The following AKAP6 variants were observed in gnomAD, a reference collection of about 807,000 sequenced individuals.
AKAP6 encodes the protein A-kinase anchor protein 6.
A neutral mutation model predicts 188.5 loss-of-function variants in AKAP6; 58 were observed. The ratio of observed to expected loss-of-function variants is 0.31; its 90% CI spans 0.25 to 0.38. The LOEUF is 0.38. Among genes scored for constraint, AKAP6 ranks in the 10% least tolerant of loss-of-function variants. The pLI, the probability that AKAP6 is intolerant of heterozygous loss-of-function variation, is 1.00. For synonymous variants in AKAP6, 989 were observed against 998.6 expected (o/e 0.99, Z 0.18); for missense variants, 2,710 against 2,740.0 (o/e 0.99, Z 0.24).
intron 7 of AKAP6, among the ~76,000 whole-genome samples, chr14:32,606,786 A>G (rs1342227737): frequency 6.6e-6 from 1 of 152,164 alleles, no homozygotes; most frequent in African/African-American, 2.4e-5. Flanking sequence ...TGGATATCAG[A>G]CTATGAAGGT....
chr14:32,743,300 T>G (rs2031758043), intron 11 of AKAP6, among the ~76,000 whole-genome samples: 1 of 152,082 alleles, frequency 6.6e-6, no homozygotes, highest in Admixed American at 6.6e-5. Context: ...GATCAATGGG[T>G]TTTATTTTTT....
chr14:32,834,142 C>T lies in AKAP6; in HGVS notation c.*4337C>T, dbSNP rs946504055. On this transcript the variant is annotated 3_prime_UTR_variant, in exon 14 of 14. Transcript: ENST00000280979. ...TCATGGTGGCTCACGCCTGTAATCC[C>T]AGCACTTTGGGAGGCCAAGGCGTGT... The T allele has an allele frequency of 2.0e-5, 3 of 152,240 alleles. No individual in the cohort carries two copies. The highest frequency in any genetic ancestry group is 7.2e-5 in the African/African-American group (3 of 41,430). 9.4% of individuals were successfully genotyped at this position (152,240 alleles called of 1,614,324 possible). A position where few individuals can be genotyped will look rare whatever the true frequency, so the allele number is the denominator to read the frequency against.
intron 12 of AKAP6, among the ~76,000 whole-genome samples, chr14:32,796,678 C>G (rs4982008): frequency 6.6e-6 from 1 of 152,104 alleles, no homozygotes; most frequent in South Asian, 2.1e-4. Flanking sequence ...ACTATAAAAA[C>G]GCTAGGAGAA....
At chr14:32,429,415 G>A (rs778632777) in intron 1 of AKAP6, among the ~76,000 whole-genome samples, 1 of 152,066 alleles carries the variant, frequency 6.6e-6, no homozygotes, top group Non-Finnish European at 1.5e-5. Flanking sequence ...GTTACTATAC[G>A]TTTCTACAAT....
At chr14:32,492,355 T>TATATATATAGAGAGAGAGAGAGAGAG in intron 2 of AKAP6, among the ~76,000 whole-genome samples, 14 of 82,608 alleles carry the variant, frequency 1.7e-4, no homozygotes, top group Admixed American at 3.7e-4. Context: ...TATATATATA[T>TATATATATAGAGAGAGAGAGAGAGAG]AGAGAGAGAG....
In AKAP6 at chr14:32,769,037, ATTTTTTT is replaced by A. The variant is rs544997334; in HGVS notation, c.3373-4620_3373-4614del. ...ACTAGGGGATGCAGCTGCTCTTTTGATTTTTTTTTTTTTTTTTTTTTTTTTTTGAGAC... is the reference window on the plus strand; with the variant it reads ...ACTAGGGGATGCAGCTGCTCTTTTGATTTTTTTTTTTTTTTTTTTTGAGAC... On this transcript the variant is annotated intron_variant, in intron 11 of 13. Coordinates refer to ENST00000280979, the MANE Select transcript of AKAP6 (RefSeq NM_004274.5). 1.4e-3 allele frequency among the ~76,000 whole-genome samples: 78 copies of A among 56,924 alleles called. 3 individuals carry two copies. The highest frequency in any genetic ancestry group is 6.9e-3 in the South Asian group (7 of 1,020). The allele number at this position is 56,924 out of a possible 152,430, so 37.3% of individuals were successfully genotyped here. A position where few individuals can be genotyped will look rare whatever the true frequency, so the allele number is the denominator to read the frequency against.
At chr14:32,573,560 G>A (rs148332259) in intron 4 of AKAP6, among the ~76,000 whole-genome samples, 34 of 152,136 alleles carry the variant, frequency 2.2e-4, no homozygotes, top group African/African-American at 8.2e-4. Context: ...CATGCTATAT[G>A]TTCTGCTGAA....
chr14:32,404,883 A>G (rs1286512832), intron 1 of AKAP6, among the ~76,000 whole-genome samples: 1 of 150,436 alleles, frequency 6.6e-6, no homozygotes, highest in Non-Finnish European at 1.5e-5. Context: ...CCTGGGTCTG[A>G]ACTGGCAAGA....
At chr14:32,614,519 A>T (rs1211018946) in intron 7 of AKAP6, among the ~76,000 whole-genome samples, 1 of 152,200 alleles carries the variant, frequency 6.6e-6, no homozygotes, top group African/African-American at 2.4e-5. Context: ...GGAAGTACAG[A>T]TATACTTCTC....
At chr14:32,806,690 A>G (rs1348211044) in intron 12 of AKAP6, among the ~76,000 whole-genome samples, 1 of 151,996 alleles carries the variant, frequency 6.6e-6, no homozygotes, top group Non-Finnish European at 1.5e-5. Flanking sequence ...ACACACACAA[A>G]AAAACTCAGT....
intron 4 of AKAP6, among the ~76,000 whole-genome samples, chr14:32,570,815 A>C (rs1884443722): frequency 2.0e-5 from 3 of 152,120 alleles, no homozygotes; most frequent in Admixed American, 6.6e-5. Flanking sequence ...CCCCTCTTTT[A>C]ATATACCCTT....
chr14:32,419,115 A>T (rs1030918486), intron 1 of AKAP6, among the ~76,000 whole-genome samples: 1 of 152,192 alleles, frequency 6.6e-6, no homozygotes, highest in Non-Finnish European at 1.5e-5. Context: ...ACCATTAGAA[A>T]ATATTTGAAA....
chr14:32,578,927 G>T (rs1884848071), intron 5 of AKAP6, among the ~76,000 whole-genome samples: 2 of 152,002 alleles, frequency 1.3e-5, no homozygotes, highest in Admixed American at 1.3e-4. Context: ...CCTTATGTTA[G>T]CCTCTACTTC....
chr14:32,668,170 G>A (rs560761637), intron 7 of AKAP6, among the ~76,000 whole-genome samples: 9 of 152,016 alleles, frequency 5.9e-5, no homozygotes, highest in African/African-American at 1.7e-4. Flanking sequence ...TCTAATCATC[G>A]TCTTCAGTCC....
intron 1 of AKAP6, among the ~76,000 whole-genome samples, chr14:32,393,165 CA>C (rs1199249678): frequency 2.0e-5 from 3 of 152,066 alleles, no homozygotes; most frequent in Non-Finnish European, 2.9e-5. Context: ...GCCTGGCAGA[CA>C]CCCCATAACC....
intron 12 of AKAP6, among the ~76,000 whole-genome samples, chr14:32,781,402 A>G (rs947929990): frequency 2.0e-5 from 3 of 151,944 alleles, no homozygotes; most frequent in Non-Finnish European, 4.4e-5. Context: ...TCTTTTGTCT[A>G]CTAAATACAT....
intron 12 of AKAP6, among the ~76,000 whole-genome samples, chr14:32,780,297 G>A (rs1267832959): frequency 1.3e-5 from 2 of 151,226 alleles, no homozygotes; most frequent in Non-Finnish European, 1.5e-5. Context: ...ACCAGACACA[G>A]AAAGAAAAAT....
intron 12 of AKAP6, among the ~76,000 whole-genome samples, chr14:32,817,569 G>A (rs1013028743): frequency 6.6e-6 from 1 of 151,456 alleles, no homozygotes; most frequent in Admixed American, 6.6e-5. Flanking sequence ...CTGTACCCAT[G>A]CAGCAAGTCT....
At chr14:32,802,431 T>G (rs564751787) in intron 12 of AKAP6, among the ~76,000 whole-genome samples, 1 of 152,328 alleles carries the variant, frequency 6.6e-6, no homozygotes, top group East Asian at 1.9e-4. Flanking sequence ...TTACTAAACC[T>G]ATAAATAAAT....
Sources: gnomAD v4.1 joint callset for allele counts (sites outside exome capture counted in the v4.1 genomes callset) on GRCh38, gnomAD v4.1.1 for gene constraint, MANE v1.5 for transcripts, NCBI Gene and HGNC (gene_info 2026-07-23, HGNC 2026-07-21) for gene names.